Variants in ERBB4 observed in about 807,000 individuals in gnomAD.
The protein encoded by ERBB4 is receptor tyrosine-protein kinase erbB-4.
ERBB4 carries 42 observed loss-of-function variants against 158.0 expected under a neutral mutation model. The observed-to-expected ratio is 0.27, with a 90% CI of 0.21 to 0.34. The LOEUF is 0.34. ERBB4 is among the 10% of genes least tolerant of loss of function. The pLI is 1.00. For synonymous variants in ERBB4, 583 were observed against 558.7 expected (o/e 1.04, Z -0.61); for missense variants, 1,333 against 1,624.1 (o/e 0.82, Z 3.08).
intron 3 of ERBB4, among the ~76,000 whole-genome samples, chr2:211,906,281 T>C (rs901429222): frequency 6.6e-6 from 1 of 152,026 alleles, no homozygotes; most frequent in African/African-American, 2.4e-5. Context: ...AGTGGCAACA[T>C]TTACTGATGA....
intron 2 of ERBB4, among the ~76,000 whole-genome samples, chr2:212,033,702 C>T (rs1409371749): frequency 6.6e-6 from 1 of 151,626 alleles, no homozygotes; most frequent in Admixed American, 6.6e-5. Context: ...GGCATGGAAG[C>T]CATTTTAGGT....
chr2:211,433,811 G>A (rs985977922), intron 20 of ERBB4, among the ~76,000 whole-genome samples: 1 of 151,984 alleles, frequency 6.6e-6, no homozygotes, highest in African/African-American at 2.4e-5. Flanking sequence ...CTGGGCGGGG[G>A]TCAGTTATTC....
intron 3 of ERBB4, among the ~76,000 whole-genome samples, chr2:211,919,347 A>T (rs2125073314): frequency 6.6e-6 from 1 of 152,210 alleles, no homozygotes; most frequent in Non-Finnish European, 1.5e-5. Context: ...ATAAGGCTTT[A>T]TACACTTTAT....
At chr2:212,349,639 T>A (rs1368319878) in intron 1 of ERBB4, among the ~76,000 whole-genome samples, 1 of 152,124 alleles carries the variant, frequency 6.6e-6, no homozygotes, top group African/African-American at 2.4e-5. Context: ...GCCCTTATGC[T>A]TTTTATTTCC....
rs386392490 is a variant in ERBB4, at chr2:211,867,024, CAAAAAAAAA to C, written c.422-78874_422-78866del. 1.8e-4 allele frequency among the ~76,000 whole-genome samples: 11 copies of C among 60,624 alleles called. No individual in the cohort carries two copies. The Admixed American group carries it at 2.2e-3, about 12-fold the overall frequency. 39.8% of individuals were successfully genotyped at this position (60,624 alleles called of 152,430 possible). A position where few individuals can be genotyped will look rare whatever the true frequency, so the allele number is the denominator to read the frequency against. The stretch of plus-strand genomic sequence containing the variant: ...TATTAAACTCTCCATTCCTTAAAAC[CAAAAAAAAA>C]AAAAAAAAAAAAAAAAAAGATCGTG... On this transcript the variant is annotated intron_variant, in intron 3 of 27. Transcript: ENST00000342788.
intron 2 of ERBB4, among the ~76,000 whole-genome samples, chr2:212,039,010 T>C (rs1007701610): frequency 3.3e-5 from 5 of 152,128 alleles, no homozygotes; most frequent in African/African-American, 4.8e-5. Flanking sequence ...TTGTGAATTG[T>C]AGTGAATTTA....
chr2:212,266,831 T>C (rs1330870394), intron 1 of ERBB4, among the ~76,000 whole-genome samples: 1 of 151,942 alleles, frequency 6.6e-6, no homozygotes, highest in East Asian at 1.9e-4. Flanking sequence ...AATAAAAAGG[T>C]TAAAAAAACA....
At chr2:212,011,516 T>C (rs2888041) in intron 2 of ERBB4, among the ~76,000 whole-genome samples, 132,663 of 152,032 alleles carry the variant, frequency 0.87, 58,700 homozygotes, top group East Asian at 1. Context: ...CCTGGGAGGC[T>C]GAGACGGGTG....
chr2:211,614,377 A>G (rs964557126), intron 19 of ERBB4, among the ~76,000 whole-genome samples: 1 of 152,062 alleles, frequency 6.6e-6, no homozygotes, highest in African/African-American at 2.4e-5. Context: ...ACTATAGTCA[A>G]TGGTAACCTA....
chr2:212,075,033 A>G (rs1274401235), intron 2 of ERBB4, among the ~76,000 whole-genome samples: 1 of 151,992 alleles, frequency 6.6e-6, no homozygotes, highest in Non-Finnish European at 1.5e-5. Flanking sequence ...CCCAAGTATT[A>G]GTTTAAATTA....
At chr2:211,581,433 T>C (rs924963112) in intron 19 of ERBB4, among the ~76,000 whole-genome samples, 1 of 152,062 alleles carries the variant, frequency 6.6e-6, no homozygotes, top group Non-Finnish European at 1.5e-5. Context: ...TCACAAAATA[T>C]AGGAAGTACA....
chr2:211,443,823 T>C (rs1308003414), intron 20 of ERBB4, among the ~76,000 whole-genome samples: 1 of 152,102 alleles, frequency 6.6e-6, no homozygotes, highest in Non-Finnish European at 1.5e-5. Context: ...GTTGTGAGAA[T>C]TAAGTGAATG....
intron 19 of ERBB4, among the ~76,000 whole-genome samples, chr2:211,599,513 C>CTTGTGTGTGTGTGTGTGTGTGTGTGTG (rs1491358169): frequency 7.1e-6 from 1 of 140,804 alleles, no homozygotes; most frequent in Non-Finnish European, 1.6e-5. Flanking sequence ...ATAATTTCTT[C>CTTGTGTGTGTGTGTGTGTGTGTGTGTG]TGTGTGTGTG....
intron 5 of ERBB4, among the ~76,000 whole-genome samples, chr2:211,727,299 A>C (rs892346485): frequency 2.6e-5 from 4 of 152,142 alleles, no homozygotes; most frequent in Admixed American, 6.6e-5. Context: ...AACAGTGCTC[A>C]TCAACTTAGA....
intron 1 of ERBB4, among the ~76,000 whole-genome samples, chr2:212,523,974 G>A (rs1184012336): frequency 2.0e-5 from 3 of 151,892 alleles, no homozygotes; most frequent in African/African-American, 7.3e-5. Flanking sequence ...AGCTGTTAAT[G>A]TTTCTGTTCT....
chr2:212,205,224 G>A lies in ERBB4; in HGVS notation c.83-80321C>T, dbSNP rs868464552. Among the ~76,000 whole-genome samples, 68 of 151,986 alleles carry A rather than the reference G, an allele frequency of 4.5e-4. 2 individuals are homozygous for A. Among genetic ancestry groups the A allele is most frequent in the African/African-American group, 1.3e-3 (52 of 41,392 alleles). ...CACTCAGGCTGGAGTGCAGTGGCACGATCTCTGCTCACTGAAGTCTCTGCC... is the reference window on the plus strand; with the variant it reads ...CACTCAGGCTGGAGTGCAGTGGCACAATCTCTGCTCACTGAAGTCTCTGCC... On this transcript the variant is annotated intron_variant, in intron 1 of 27. Coordinates refer to ENST00000342788, the MANE Select transcript of ERBB4 (RefSeq NM_005235.3).
At chr2:212,047,455 C>T (rs2077285368) in intron 2 of ERBB4, among the ~76,000 whole-genome samples, 2 of 151,298 alleles carry the variant, frequency 1.3e-5, no homozygotes, top group East Asian at 1.9e-4. Flanking sequence ...GATTCTCCTT[C>T]ATATTAATTT....
chr2:212,460,224 G>T (rs1217388380), intron 1 of ERBB4, among the ~76,000 whole-genome samples: 1 of 152,134 alleles, frequency 6.6e-6, no homozygotes, highest in African/African-American at 2.4e-5. Flanking sequence ...ATTGCCCAGT[G>T]TCAGGTATGT....
At chr2:212,119,632 A>G (rs2079683082) in intron 2 of ERBB4, among the ~76,000 whole-genome samples, 1 of 152,150 alleles carries the variant, frequency 6.6e-6, no homozygotes, top group South Asian at 2.1e-4. Context: ...TACATAATAA[A>G]TAAGTTTTAG....
Sources: gnomAD v4.1 joint callset for allele counts (sites outside exome capture counted in the v4.1 genomes callset) on GRCh38, gnomAD v4.1.1 for gene constraint, MANE v1.5 for transcripts, NCBI Gene and HGNC (gene_info 2026-07-23, HGNC 2026-07-21) for gene names.